The following PCDHGA1 variants were observed in gnomAD, a reference collection of about 807,000 sequenced individuals.
PCDHGA1 encodes protocadherin gamma subfamily A, 1.
In PCDHGA1, 32 loss-of-function variants were observed where a neutral mutation model predicts 58.0. The observed-to-expected ratio is 0.55, with a 90% CI of 0.42 to 0.74. PCDHGA1 has a LOEUF of 0.74. PCDHGA1 is among the 30% of genes least tolerant of loss of function. The pLI, the probability that PCDHGA1 is intolerant of heterozygous loss-of-function variation, is 0.00. For missense variants in PCDHGA1, 1,205 were observed against 1,182.3 expected, an observed-to-expected ratio of 1.02 and a Z score of -0.28; for synonymous variants, 498 against 501.1, an observed-to-expected ratio of 0.99 and a Z score of 0.08.
intron 1 of PCDHGA1, chr5:141,372,365 C>G: frequency 6.2e-7 from 1 of 1,613,966 alleles, no homozygotes; most frequent in South Asian, 1.1e-5. Flanking sequence ...TTTCAGCCAC[C>G]GTCATGCTGC....
At chr5:141,456,599 A>T (rs2098870253) in intron 1 of PCDHGA1, among the ~76,000 whole-genome samples, 1 of 152,174 alleles carries the variant, frequency 6.6e-6, no homozygotes, top group African/African-American at 2.4e-5. Flanking sequence ...TTTTGATTTG[A>T]TTTTTAAGTC....
At chr5:141,437,047 G>C (rs2097860477) in intron 1 of PCDHGA1, among the ~76,000 whole-genome samples, 1 of 152,214 alleles carries the variant, frequency 6.6e-6, no homozygotes, top group Admixed American at 6.5e-5. Context: ...AAACCAGAAG[G>C]CTGGTGATCA....
At chr5:141,501,809 A>G (rs2099811165) in intron 2 of PCDHGA1, among the ~76,000 whole-genome samples, 1 of 152,176 alleles carries the variant, frequency 6.6e-6, no homozygotes, top group African/African-American at 2.4e-5. Flanking sequence ...ACCCAGCTTC[A>G]CATAATTGGC....
intron 1 of PCDHGA1, chr5:141,372,960 G>T (rs1769206598): frequency 1.4e-6 from 1 of 709,456 alleles, no homozygotes; most frequent in Non-Finnish European, 2.2e-6. Context: ...ATTCTTTGTA[G>T]AATTTCCTGT....
At chr5:141,421,423 C>T in intron 1 of PCDHGA1, 1 of 1,614,052 alleles carries the variant, frequency 6.2e-7, no homozygotes, top group Non-Finnish European at 8.5e-7. Context: ...GCGCGGAGTC[C>T]GCATCGTCTC....
chr5:141,341,427 C>CT, intron 1 of PCDHGA1: 1 of 1,612,370 alleles, frequency 6.2e-7, no homozygotes, highest in Non-Finnish European at 8.5e-7. Flanking sequence ...TACGTACTAG[C>CT]TAGTTTGCTG....
At chr5:141,400,498 A>G (rs1181845890) in intron 1 of PCDHGA1, 2 of 1,614,034 alleles carry the variant, frequency 1.2e-6, no homozygotes, top group Non-Finnish European at 1.7e-6. Flanking sequence ...TTGTAATTCC[A>G]GCGAGTCGAC....
At chr5:141,399,635 T>C (rs1237333371) in intron 1 of PCDHGA1, 1 of 1,613,746 alleles carries the variant, frequency 6.2e-7, no homozygotes, top group Admixed American at 1.7e-5. Context: ...TACGTGTCCA[T>C]GAGCGCGCAA....
chr5:141,337,895 G>A (rs936728216), intron 1 of PCDHGA1, among the ~76,000 whole-genome samples: 2 of 152,172 alleles, frequency 1.3e-5, no homozygotes, highest in Non-Finnish European at 2.9e-5. Flanking sequence ...TCCTAGTGTG[G>A]TGAAAAACCC....
In PCDHGA1 at chr5:141,434,786, T is replaced by A. The variant is rs867453805; in HGVS notation, c.2422-60021T>A. ...TTCACACTTCTAAAAAAAAAAAAAT[T>A]TTTTTTTCTGAGCTTGGAGAAATAT... On this transcript the variant is annotated intron_variant, in intron 1 of 3. Coordinates refer to ENST00000517417, the MANE Select transcript of PCDHGA1 (RefSeq NM_018912.3). 6.8e-4 allele frequency among the ~76,000 whole-genome samples: 102 copies of A among 150,682 alleles called. 1 individual carries two copies. The highest frequency in any genetic ancestry group is 1.8e-3 in the African/African-American group (72 of 40,898).
chr5:141,357,227 G>T, intron 1 of PCDHGA1: 1 of 1,613,714 alleles, frequency 6.2e-7, no homozygotes, highest in Non-Finnish European at 8.5e-7. Context: ...GCTGACTTGG[G>T]CAGCCTCAAG....
chr5:141,385,420 A>T, intron 1 of PCDHGA1: 1 of 1,465,218 alleles, frequency 6.8e-7, no homozygotes, highest in Non-Finnish European at 9.0e-7. Flanking sequence ...AGGGATTTAA[A>T]AAACTTTATA....
intron 1 of PCDHGA1, among the ~76,000 whole-genome samples, chr5:141,473,773 T>C (rs1473510505): frequency 6.6e-6 from 1 of 152,254 alleles, no homozygotes; most frequent in Non-Finnish European, 1.5e-5. Context: ...GGATTTGGTA[T>C]TTTAATTCAA....
At chr5:141,394,859 C>G in intron 1 of PCDHGA1, 4 of 1,613,758 alleles carry the variant, frequency 2.5e-6, no homozygotes, top group Non-Finnish European at 3.4e-6. Flanking sequence ...AGCCTTCGGT[C>G]GACCCGAACG....
At chr5:141,465,978 C>T (rs568961720) in intron 1 of PCDHGA1, among the ~76,000 whole-genome samples, 7 of 151,998 alleles carry the variant, frequency 4.6e-5, no homozygotes, top group South Asian at 2.1e-4. Context: ...AAAAATTAGC[C>T]GGGCATGGTG....
chr5:141,331,833 A>G lies in PCDHGA1; in HGVS notation c.1149A>G (p.Thr383=), dbSNP rs2149713375. 1 of 1,614,186 alleles carries G rather than the reference A, an allele frequency of 6.2e-7. No individual in the cohort carries two copies. Among genetic ancestry groups the G allele is most frequent in the African/African-American group, 1.3e-5 (1 of 75,050 alleles). Residue 383 remains threonine (T), a synonymous_variant, in exon 1 of 4, where the codon ACA becomes ACG. Transcript: ENST00000517417. The part of the protein sequence containing the change: ...DQDSGDNGYT[T]CFIPGNLPFK... ...ACTCAGGAGACAATGGCTACACCACATGTTTCATTCCTGGAAATTTACCCT... is the reference window on the plus strand; with the variant it reads ...ACTCAGGAGACAATGGCTACACCACGTGTTTCATTCCTGGAAATTTACCCT...
At chr5:141,469,543 C>G (rs1031152008) in intron 1 of PCDHGA1, among the ~76,000 whole-genome samples, 4 of 152,040 alleles carry the variant, frequency 2.6e-5, no homozygotes, top group Non-Finnish European at 4.4e-5. Flanking sequence ...CCACTGCACT[C>G]CAGCCTGGCG....
chr5:141,400,591 C>A, intron 1 of PCDHGA1: 1 of 1,602,976 alleles, frequency 6.2e-7, no homozygotes, highest in Non-Finnish European at 8.5e-7. Flanking sequence ...ATGAAACTAT[C>A]GTACATTTTC....
chr5:141,447,048 A>T (rs149112101), intron 1 of PCDHGA1, among the ~76,000 whole-genome samples: 1 of 152,066 alleles, frequency 6.6e-6, no homozygotes, highest in Non-Finnish European at 1.5e-5. Flanking sequence ...CTGGAATTCT[A>T]TTAAAATGTG....
Sources: allele counts gnomAD v4.1 joint callset (sites outside exome capture counted in the v4.1 genomes callset), GRCh38; gene constraint gnomAD v4.1.1; transcripts MANE v1.5; gene names NCBI Gene and HGNC (gene_info 2026-07-23, HGNC 2026-07-21).